The following CEP135 variants were observed in gnomAD, a reference collection of about 807,000 sequenced individuals.
CEP135 encodes centrosomal protein of 135 kDa.
A neutral mutation model predicts 157.3 loss-of-function variants in CEP135; 142 were observed. The observed-to-expected ratio is 0.90, with a 90% CI of 0.79 to 1.04. The LOEUF (loss-of-function observed/expected upper bound fraction) is 1.04, where lower values mean the gene tolerates loss of function less well. Among genes scored for constraint, CEP135 ranks in the 50% least tolerant of loss-of-function variants. The probability of loss-of-function intolerance (pLI) is 0.00; values close to 1 mark genes in which losing one functional copy is unlikely to be tolerated. For synonymous variants in CEP135, 396 were observed against 439.8 expected (o/e 0.90, Z 1.25); for missense variants, 1,317 against 1,309.2 (o/e 1.01, Z -0.09).
Position 56,017,930 on chromosome 4 carries a change from C to T in CEP135, c.3012+73C>T, listed in dbSNP as rs1344030908. The T allele has an allele frequency of 5.6e-6, 7 of 1,242,314 alleles. No homozygotes were observed. In the Admixed American group the frequency reaches 1.1e-4, roughly 20 times the overall value. 77.0% of individuals were successfully genotyped at this position (1,242,314 alleles called of 1,614,324 possible). ...CTAATTATTTTACTTTAGTATTCAC[C>T]ACACCATGCATATACTTGTTTCCTT... On this transcript the variant is annotated intron_variant, in intron 22 of 25. Transcript: ENST00000257287.
At chr4:56,009,617 A>G (rs2109730323) in intron 18 of CEP135, 118 bp from the exon 19 acceptor site, 2 of 858,666 alleles carry the variant, frequency 2.3e-6, no homozygotes, top group Non-Finnish European at 3.5e-6. Context: ...AGCAGTTATA[A>G]TTTCTTATAA....
chr4:55,954,478 A>T lies in CEP135; in HGVS notation c.472+95A>T, dbSNP rs768299677. The stretch of plus-strand genomic sequence containing the variant: ...AAATAGGACTTTGGATTGGATTTTC[A>T]TGCTTAGACTTTAGTGTTTGAAAAT... On this transcript the variant is annotated intron_variant, in intron 4 of 25. Transcript: ENST00000257287. The T allele has an allele frequency of 1.2e-4, 125 of 1,063,466 alleles. 1 individual carries two copies. Among genetic ancestry groups the T allele is most frequent in the Non-Finnish European group, 1.2e-4 (91 of 752,720 alleles). 65.9% of individuals were successfully genotyped at this position (1,063,466 alleles called of 1,614,324 possible). A position where few individuals can be genotyped will look rare whatever the true frequency, so the allele number is the denominator to read the frequency against.
intron 22 of CEP135, among the ~76,000 whole-genome samples, chr4:56,018,259 A>G (rs1379944913): frequency 6.6e-6 from 1 of 152,152 alleles, no homozygotes; most frequent in African/African-American, 2.4e-5. Context: ...GGATACAGGC[A>G]TGAGCTACTG....
At chr4:56,007,684 CT>C (rs1013202990) in intron 17 of CEP135, among the ~76,000 whole-genome samples, 20 of 152,162 alleles carry the variant, frequency 1.3e-4, no homozygotes, top group Non-Finnish European at 5.9e-5. Flanking sequence ...CTCAATCTCA[CT>C]TTTTCCGGTG....
chr4:56,026,083 C>T (rs374713214), intron 25 of CEP135, among the ~76,000 whole-genome samples: 2 of 152,244 alleles, frequency 1.3e-5, no homozygotes, highest in African/African-American at 4.8e-5. Context: ...GTGGCACGCA[C>T]CTGTAGTCTT....
chr4:56,009,737 A>G lies in CEP135; in HGVS notation c.2339A>G (p.Gln780Arg), dbSNP rs773017553. The part of the protein sequence containing the change: ...MISECESSVN[Q>R]LKETLVNRDR... The stretch of plus-strand genomic sequence containing the variant: ...GTTTCACATCACTCATTTAACAGCC[A>G]GCTGAAAGAAACATTGGTTAATCGA... Residue 780 changes from glutamine to arginine, a missense_variant and splice_region_variant, in exon 19 of 26, where the codon CAG (glutamine) becomes CGG (arginine). Physicochemically the swap from Gln to Arg is conservative, Grantham distance 43 (BLOSUM62 1). Coordinates refer to ENST00000257287, the MANE Select transcript of CEP135 (RefSeq NM_025009.5). 1 of 1,595,778 alleles carries G rather than the reference A, an allele frequency of 6.3e-7. No homozygotes were observed. The highest frequency in any genetic ancestry group is 8.5e-7 in the Non-Finnish European group (1 of 1,175,290).
intron 14 of CEP135, among the ~76,000 whole-genome samples, chr4:55,990,413 T>C (rs1729745196): frequency 6.6e-6 from 1 of 152,202 alleles, no homozygotes; most frequent in South Asian, 2.1e-4. Flanking sequence ...TAGGTCATTT[T>C]CCCATCTAGA....
In CEP135 at chr4:56,009,901, C is replaced by G; in HGVS notation, c.2503C>G (p.Gln835Glu). Residue 835 changes from glutamine (Q) to glutamate (E), a missense_variant and splice_region_variant, in exon 19 of 26, where the codon CAA becomes GAA. Gln to Glu is a conservative substitution (Grantham distance 29). Coordinates refer to ENST00000257287, the MANE Select transcript of CEP135 (RefSeq NM_025009.5). ...DDLATMAREN[Q>E]EISLELEAAV... ...CCTGGCTACAATGGCAAGAGAAAATCAAGTATGAACACAAGGCATAAATTT... is the reference window on the plus strand; with the variant it reads ...CCTGGCTACAATGGCAAGAGAAAATGAAGTATGAACACAAGGCATAAATTT... 1 of 1,612,258 alleles carries G rather than the reference C, an allele frequency of 6.2e-7. No homozygotes were observed.
At chr4:55,985,564 C>T (rs1729553269) in intron 14 of CEP135, among the ~76,000 whole-genome samples, 1 of 152,050 alleles carries the variant, frequency 6.6e-6, no homozygotes, top group African/African-American at 2.4e-5. Context: ...AAGCGATTCT[C>T]CTGCCTCAGC....
rs1730602807 is a variant in CEP135 at position 56,011,989 on chromosome 4, ATATAT to A, written c.2802+6_2802+10del. On this transcript the variant is annotated splice_donor_5th_base_variant and intron_variant, in intron 21 of 25. Transcript: ENST00000257287. ...ATTAGAAAAAGAAATTCAAGAGGTA[ATATAT>A]TTATTTGTTTTGTAAAGATGTTATT... 2.0e-6 allele frequency: 3 copies of A among 1,487,396 alleles called. No homozygotes were observed. Among genetic ancestry groups the A allele is most frequent in the Non-Finnish European group, 2.7e-6 (3 of 1,110,586 alleles). 92.1% of individuals were successfully genotyped at this position (1,487,396 alleles called of 1,614,324 possible). A position where few individuals can be genotyped will look rare whatever the true frequency, so the allele number is the denominator to read the frequency against.
intron 21 of CEP135, among the ~76,000 whole-genome samples, chr4:56,015,946 C>A (rs1293985090): frequency 1.3e-5 from 2 of 152,166 alleles, no homozygotes; most frequent in African/African-American, 4.8e-5. Context: ...AAATCCTAAT[C>A]CCCAGTATCT....
rs111451420 is a variant in CEP135 at position 56,002,816 on chromosome 4, T to C, written c.2280+3171T>C. Reference sequence around the variant, plus strand: ...TGAGCAGGAATTGGTATTAGTTCTTTAGATGTTCAGTAGAGTTCAGCAGTG... The same window carrying C: ...TGAGCAGGAATTGGTATTAGTTCTTCAGATGTTCAGTAGAGTTCAGCAGTG... On this transcript the variant is annotated intron_variant, in intron 17 of 25. Coordinates refer to ENST00000257287, the MANE Select transcript of CEP135 (RefSeq NM_025009.5). 7.2e-5 allele frequency among the ~76,000 whole-genome samples: 11 copies of C among 152,290 alleles called. 2 individuals carry two copies. Among genetic ancestry groups the C allele is most frequent in the African/African-American group, 2.6e-4 (11 of 41,584 alleles).
intron 15 of CEP135, among the ~76,000 whole-genome samples, chr4:55,992,696 A>T (rs1729835213): frequency 6.6e-6 from 1 of 152,216 alleles, no homozygotes; most frequent in African/African-American, 2.4e-5. Context: ...GAACTTAGAG[A>T]ACAGAGACCA....
intron 25 of CEP135, among the ~76,000 whole-genome samples, chr4:56,027,328 A>C (rs1731187447): frequency 6.6e-6 from 1 of 152,180 alleles, no homozygotes; most frequent in South Asian, 2.1e-4. Context: ...TATTAGTGTA[A>C]ATTAAGCTTT....
Position 55,953,128 on chromosome 4 carries a change from T to C in CEP135, c.157T>C (p.Ser53Pro). Residue 53 changes from serine to proline, a missense_variant, in exon 3 of 26, where the codon TCT (serine) becomes CCT (proline). Ser to Pro is a moderately conservative substitution (Grantham distance 74, BLOSUM62 -1). Transcript: ENST00000257287. Reference protein sequence around the residue: ...TTESLRQSKLSAVKAEKESAN... With the variant: ...TTESLRQSKLPAVKAEKESAN... ...TGAGAGCCTTCGGCAATCAAAATTA[T>C]CTGCTGTGAAAGCTGAAAAAGAAAG... The C allele has an allele frequency of 1.2e-6, 2 of 1,603,776 alleles. No individual in the cohort carries two copies. The highest frequency in any genetic ancestry group is 1.7e-6 in the Non-Finnish European group (2 of 1,177,300).
At chr4:55,970,147 C>T (rs1728982853) in intron 9 of CEP135, among the ~76,000 whole-genome samples, 1 of 151,852 alleles carries the variant, frequency 6.6e-6, no homozygotes, top group South Asian at 2.1e-4. Flanking sequence ...GCTAGGACTA[C>T]AGGCATGAGC....
chr4:56,014,564 C>T (rs911305535), intron 21 of CEP135, among the ~76,000 whole-genome samples: 23 of 152,122 alleles, frequency 1.5e-4, no homozygotes, highest in Non-Finnish European at 2.5e-4. Context: ...GGCTAAGTTA[C>T]GGTCTACTGT....
intron 4 of CEP135, among the ~76,000 whole-genome samples, 185 bp downstream of exon 4, chr4:55,954,568 G>A (rs1169332034): frequency 6.6e-6 from 1 of 152,116 alleles, no homozygotes; most frequent in African/African-American, 2.4e-5. Context: ...ATTTATACGT[G>A]TGCTTAGAAA....
rs375978615 is a variant in CEP135, at chr4:56,024,591, T to C, written c.3411T>C (p.His1137=). 2.5e-6 allele frequency: 4 copies of C among 1,608,502 alleles called. No homozygotes were observed. In the African/African-American group the frequency reaches 5.4e-5, roughly 22 times the overall value. ...TLRSPSHSPE[H]RNV ...GGTCTCCTTCACATTCTCCTGAACA[T>C]AGAAATGTGTAATTATCAGAAAGGT... The change falls in exon 25 of 26, where the codon CAT becomes CAC. Residue 1137 remains histidine, a synonymous_variant. Coordinates refer to ENST00000257287, the MANE Select transcript of CEP135 (RefSeq NM_025009.5).
Sources: gnomAD v4.1 joint callset for allele counts (sites outside exome capture counted in the v4.1 genomes callset) on GRCh38, gnomAD v4.1.1 for gene constraint, MANE v1.5 for transcripts, NCBI Gene and HGNC (gene_info 2026-07-23, HGNC 2026-07-21) for gene names.